Variants in LAMB1 observed in about 807,000 individuals in gnomAD.
LAMB1 encodes the protein laminin subunit beta 1, also known as laminin subunit beta-1.
A neutral mutation model predicts 222.3 loss-of-function variants in LAMB1; 121 were observed. The ratio of observed to expected loss-of-function variants is 0.54; its 90% CI spans 0.47 to 0.63. The LOEUF (loss-of-function observed/expected upper bound fraction) is 0.63. LAMB1 is among the 30% of genes least tolerant of loss of function. The pLI is 0.00. For missense variants in LAMB1, 2,172 were observed against 2,240.8 expected (o/e 0.97, Z 0.62); for synonymous variants, 794 against 807.2 (o/e 0.98, Z 0.28).
chr7:107,978,110 T>C lies in LAMB1; in HGVS notation c.937A>G (p.Met313Val), dbSNP rs148192427. Residue 313 changes from methionine to valine, a missense_variant, in exon 9 of 34, where the codon ATG becomes GTG. Transcript: ENST00000222399. ...NTKGLNCELC[M>V]DFYHDLPWRP... ...CAAGGTAAATCATGGTAGAAATCCA[T>C]GCAGAGTTCACAGTTTAAGCCCTTG... 21 of 1,614,144 alleles carry C rather than the reference T, an allele frequency of 1.3e-5. No individual in the cohort carries two copies. The African/African-American group carries it at 2.0e-4, about 15-fold the overall frequency.
At chr7:107,976,868 C>CT (rs573665348) in intron 9 of LAMB1, among the ~76,000 whole-genome samples, 17 of 86,034 alleles carry the variant, frequency 2.0e-4, no homozygotes, top group South Asian at 3.5e-4. Context: ...TCCTTCCTTC[C>CT]TTCCTTTCCT....
At position 107,972,997 on chromosome 7, in the gene LAMB1, G is replaced by C. The variant is rs775620611; in HGVS notation, c.1557C>G (p.Asn519Lys). 6.2e-7 allele frequency: 1 copy of C among 1,613,192 alleles called. No individual in the cohort carries two copies. The highest frequency in any genetic ancestry group is 8.5e-7 in the Non-Finnish European group (1 of 1,179,148). ...PCDCDLGGAL[N>K]NSCFAESGQC... is the part of the protein sequence containing the mutation. ...ATACGTAGAGCTCCATTTACCTGTTGTTTAAGGCTCCCCCAAGGTCACAGT... is the reference window on the plus strand; with the variant it reads ...ATACGTAGAGCTCCATTTACCTGTTCTTTAAGGCTCCCCCAAGGTCACAGT... Residue 519 changes from asparagine (N) to lysine (K), a missense_variant, in exon 13 of 34, where the codon AAC becomes AAG. Asn to Lys is a moderately conservative substitution (Grantham distance 94). Transcript: ENST00000222399.
rs267601228 is a variant in LAMB1 at position 107,932,248 on chromosome 7, C to T, written c.4318G>A (p.Ala1440Thr). Residue 1440 changes from alanine (A) to threonine (T), a missense_variant, in exon 28 of 34, where the codon GCC (alanine) becomes ACC (threonine). Transcript: ENST00000222399. ...CGGLVTVAHN[A>T]WQKAMDLDQD... ...TCCAAGTCCATGGCTTTCTGCCAGG[C>T]GTTGTGTGCAACAGTAACCAGACCA... 15 of 1,614,112 alleles carry T rather than the reference C, an allele frequency of 9.3e-6. No individual in the cohort carries two copies. Among genetic ancestry groups the T allele is most frequent in the East Asian group, 8.9e-5 (4 of 44,898 alleles).
In LAMB1 at chr7:107,975,095, C is replaced by T; in HGVS notation, c.1373G>A (p.Cys458Tyr). 1 of 1,603,332 alleles carries T rather than the reference C, an allele frequency of 6.2e-7. No individual in the cohort carries two copies. The highest frequency in any genetic ancestry group is 8.5e-7 in the Non-Finnish European group (1 of 1,170,258). The change falls in exon 12 of 34, where the codon TGT becomes TAT. Residue 458 changes from cysteine (C) to tyrosine (Y), a missense_variant. Coordinates refer to ENST00000222399, the MANE Select transcript of LAMB1 (RefSeq NM_002291.3). Reference protein sequence around the residue: ...SSEDPFGCKSCACNPLGTIPG... With the variant: ...SSEDPFGCKSYACNPLGTIPG... ...AATTGTTCCCAGAGGATTGCAAGCA[C>T]AAGCTGTATTAAAACAAAATGAAGT...
At chr7:107,930,190 A>G (rs1418395382) in intron 29 of LAMB1, among the ~76,000 whole-genome samples, 2 of 152,234 alleles carry the variant, frequency 1.3e-5, no homozygotes, top group South Asian at 4.1e-4. Flanking sequence ...AACCGGAATA[A>G]TGGGTTGTCA....
intron 27 of LAMB1, among the ~76,000 whole-genome samples, chr7:107,934,161 CAG>C (rs2032782334): frequency 6.6e-6 from 1 of 152,054 alleles, no homozygotes; most frequent in African/African-American, 2.4e-5. Context: ...TAATAAATGA[CAG>C]ATTATTTGCT....
chr7:107,950,348 CAG>C (rs1554405336), intron 24 of LAMB1, among the ~76,000 whole-genome samples: 1 of 151,460 alleles, frequency 6.6e-6, no homozygotes, highest in African/African-American at 2.4e-5. Context: ...CAATTAAAAA[CAG>C]GGAAGAAAAT....
intron 12 of LAMB1, among the ~76,000 whole-genome samples, 195 bp from the exon 13 acceptor site, chr7:107,973,266 G>A (rs1183252182): frequency 1.3e-5 from 2 of 152,152 alleles, no homozygotes; most frequent in African/African-American, 2.4e-5. Flanking sequence ...TAAGAGAGCC[G>A]TTCACAATCA....
chr7:107,946,616 C>T (rs2033121665), intron 24 of LAMB1, among the ~76,000 whole-genome samples: 1 of 152,222 alleles, frequency 6.6e-6, no homozygotes, highest in African/African-American at 2.4e-5. Flanking sequence ...TCTGGTCTAG[C>T]CTACCTCTTC....
At chr7:107,945,915 C>T (rs764716420) in intron 24 of LAMB1, among the ~76,000 whole-genome samples, 7 of 152,184 alleles carry the variant, frequency 4.6e-5, no homozygotes, top group Non-Finnish European at 7.3e-5. Context: ...AAGTTTGTGC[C>T]ACTTACTTTC....
At chr7:107,966,169 A>G (rs1280514170) in intron 13 of LAMB1, among the ~76,000 whole-genome samples, 1 of 152,070 alleles carries the variant, frequency 6.6e-6, no homozygotes, top group Admixed American at 6.6e-5. Context: ...CTTTTTGTGT[A>G]TCATGTTGTT....
At chr7:107,942,126 G>C (rs1389876726) in intron 24 of LAMB1, 1 of 152,070 alleles carries the variant, frequency 6.6e-6, no homozygotes, top group Admixed American at 6.6e-5. Flanking sequence ...TAAATAGCTG[G>C]GACTACAGGC....
Position 107,998,502 on chromosome 7 carries a change from A to C in LAMB1, c.214-10T>G. 6.2e-7 allele frequency: 1 copy of C among 1,612,136 alleles called. No homozygotes were observed. The highest frequency in any genetic ancestry group is 8.5e-7 in the Non-Finnish European group (1 of 1,178,932). On this transcript the variant is annotated splice_polypyrimidine_tract_variant and intron_variant, in intron 3 of 33. Transcript: ENST00000222399. ...AGCATTTTTTGTCCTCCTACAAACAAAGTTGAGTTCATCAGTCTAGAAAGC... is the reference window on the plus strand; with the variant it reads ...AGCATTTTTTGTCCTCCTACAAACACAGTTGAGTTCATCAGTCTAGAAAGC...
At chr7:107,932,404 A>G (rs369017397) in intron 27 of LAMB1, 27 bp from the exon 28 acceptor site, 18 of 1,609,482 alleles carry the variant, frequency 1.1e-5, no homozygotes, top group African/African-American at 1.3e-5. Flanking sequence ...ATCAGGCACA[A>G]TACTTCGGAT....
intron 29 of LAMB1, 109 bp downstream of exon 29, chr7:107,931,247 T>C: frequency 1.1e-6 from 1 of 940,268 alleles, no homozygotes; most frequent in Non-Finnish European, 1.6e-6. Context: ...ACGTTTTTCT[T>C]ATTTGGAAAT....
intron 5 of LAMB1, among the ~76,000 whole-genome samples, chr7:107,994,348 A>AAAAC (rs1473365568): frequency 6.6e-6 from 1 of 152,228 alleles, no homozygotes; most frequent in Non-Finnish European, 1.5e-5. Context: ...ACTGTTCCTT[A>AAAAC]AGCTATTATT....
At position 107,959,317 on chromosome 7, in the gene LAMB1, A is replaced by G. The variant is rs774836510; in HGVS notation, c.2622T>C (p.Asp874=). The G allele has an allele frequency of 6.2e-7, 1 of 1,614,234 alleles. No homozygotes were observed. The highest frequency in any genetic ancestry group is 8.5e-7 in the Non-Finnish European group (1 of 1,180,042). The change falls in exon 20 of 34, where the codon GAT becomes GAC. Residue 874 remains aspartate, a synonymous_variant. Transcript: ENST00000222399. ...ACTCCCCAGTCACTGGGTCGCAGTC[A>G]TCGGCGTGGCCATTGCACTGGCAGG... ...CQPCQCNGHA[D]DCDPVTGECL...
rs566686108 is a variant in LAMB1 at position 107,985,159 on chromosome 7, A to G, written c.676+863T>C. On this transcript the variant is annotated intron_variant, in intron 7 of 33. Transcript: ENST00000222399. ...CTTATATCGGATGTATTGTATTTAC[A>G]TCTTATATCAGATGTAAATGTATTC... Among the ~76,000 whole-genome samples, 34 of 152,340 alleles carry G rather than the reference A, an allele frequency of 2.2e-4. 1 individual carries two copies. Among genetic ancestry groups the G allele is most frequent in the African/African-American group, 7.2e-4 (30 of 41,582 alleles).
At chr7:107,973,795 G>A (rs1420320337) in intron 12 of LAMB1, among the ~76,000 whole-genome samples, 1 of 152,068 alleles carries the variant, frequency 6.6e-6, no homozygotes, top group Non-Finnish European at 1.5e-5. Context: ...ACAGGCATGT[G>A]CCACCACACC....
Sources: allele counts gnomAD v4.1 joint callset (sites outside exome capture counted in the v4.1 genomes callset), GRCh38; gene constraint gnomAD v4.1.1; transcripts MANE v1.5; gene names NCBI Gene and HGNC (gene_info 2026-07-23, HGNC 2026-07-21).